The following ESR1 variants were observed in gnomAD, a reference collection of about 807,000 sequenced individuals.
ESR1 encodes the protein estrogen receptor.
Under a neutral mutation model 52.7 loss-of-function variants are expected in ESR1, and 12 were observed. The ratio of observed to expected loss-of-function variants is 0.23; its 90% confidence interval spans 0.15 to 0.37. ESR1 has a LOEUF of 0.37. Ranked by LOEUF, ESR1 falls within the 10% of genes least tolerant of loss-of-function variation. ESR1 has a pLI of 1.00. For synonymous variants in ESR1, 305 were observed against 316.8 expected (o/e 0.96, Z 0.39); for missense variants, 584 against 779.7 (o/e 0.75, Z 2.99).
chr6:152,111,593 A>C (rs1363983311), intron 6 of ESR1, among the ~76,000 whole-genome samples: 1 of 152,158 alleles, frequency 6.6e-6, no homozygotes, highest in Admixed American at 6.5e-5. Context: ...TTCACCCCGG[A>C]CTCAATGGAG....
At chr6:151,806,872 G>T (rs963743809), upstream of ESR1, among the ~76,000 whole-genome samples, 1 of 152,064 alleles carries the variant, frequency 6.6e-6, no homozygotes, top group Non-Finnish European at 1.5e-5. Flanking sequence ...CCTGTGGAAG[G>T]CATGAACACC....
intron 2 of ESR1, among the ~76,000 whole-genome samples, chr6:151,858,642 C>A (rs971921059): frequency 6.8e-6 from 1 of 148,146 alleles, no homozygotes; most frequent in Non-Finnish European, 1.5e-5. Flanking sequence ...TCCATTGCTT[C>A]ATTTTTTTTT....
At chr6:152,106,059 C>T (rs1288423184), downstream of ESR1, among the ~76,000 whole-genome samples, 1 of 151,950 alleles carries the variant, frequency 6.6e-6, no homozygotes, top group East Asian at 1.9e-4. Flanking sequence ...TCCCAAAGTG[C>T]TGGGATTACA....
At chr6:151,695,329 T>C (rs1779255503) in intron 1 of ESR1, among the ~76,000 whole-genome samples, 1 of 152,180 alleles carries the variant, frequency 6.6e-6, no homozygotes, top group South Asian at 2.1e-4. Flanking sequence ...AGTTCTCCTT[T>C]CTTGCTGCCT....
chr6:151,991,354 C>T (rs2040993913), intron 4 of ESR1, among the ~76,000 whole-genome samples: 1 of 151,860 alleles, frequency 6.6e-6, no homozygotes, highest in Non-Finnish European at 1.5e-5. Flanking sequence ...TTCTTAGACA[C>T]TGGTAGTTGG....
At chr6:151,901,420 C>T (rs1796673612) in intron 3 of ESR1, among the ~76,000 whole-genome samples, 1 of 152,176 alleles carries the variant, frequency 6.6e-6, no homozygotes, top group Non-Finnish European at 1.5e-5. Flanking sequence ...TGAATCTGTA[C>T]ACCAAATTCA....
At chr6:151,769,813 A>G (rs1785362150) in intron 2 of ESR1, among the ~76,000 whole-genome samples, 1 of 152,156 alleles carries the variant, frequency 6.6e-6, no homozygotes, top group Non-Finnish European at 1.5e-5. Flanking sequence ...TTTTTGAACA[A>G]CAGGAAAGGA....
At chr6:151,939,080 A>G (rs1382176577) in intron 3 of ESR1, among the ~76,000 whole-genome samples, 2 of 152,200 alleles carry the variant, frequency 1.3e-5, no homozygotes, top group East Asian at 1.9e-4. Flanking sequence ...CGACATCTCT[A>G]TTGTGCTGTT....
chr6:151,780,131 GT>G (rs1786407709), intron 2 of ESR1, among the ~76,000 whole-genome samples: 2 of 151,956 alleles, frequency 1.3e-5, no homozygotes. Flanking sequence ...AGTTTCACAA[GT>G]GGGTGAGTTC....
At chr6:151,822,699 G>T (rs1780764040) in intron 1 of ESR1, among the ~76,000 whole-genome samples, 1 of 152,184 alleles carries the variant, frequency 6.6e-6, no homozygotes, top group African/African-American at 2.4e-5. Flanking sequence ...GTGCCAGGGA[G>T]TTCTTAAAGG....
At chr6:151,786,701 G>C (rs1231644851) in intron 2 of ESR1, among the ~76,000 whole-genome samples, 1 of 148,118 alleles carries the variant, frequency 6.8e-6, no homozygotes, top group African/African-American at 2.5e-5. Context: ...GGTAGGCATT[G>C]AATGTGTCCT....
intron 2 of ESR1, among the ~76,000 whole-genome samples, chr6:151,778,908 C>T (rs1383678571): frequency 6.6e-6 from 1 of 151,994 alleles, no homozygotes; most frequent in Admixed American, 6.6e-5. Context: ...GCATAGCATA[C>T]AGAGCAGCAA....
chr6:151,926,942 G>T (rs1279887861), intron 3 of ESR1, among the ~76,000 whole-genome samples: 1 of 152,124 alleles, frequency 6.6e-6, no homozygotes, highest in Admixed American at 6.5e-5. Context: ...TCAGGGGAAA[G>T]TGGTTAGTTT....
intron 6 of ESR1, among the ~76,000 whole-genome samples, chr6:152,073,706 G>A (rs2048517266): frequency 6.6e-6 from 1 of 152,120 alleles, no homozygotes; most frequent in Non-Finnish European, 1.5e-5. Flanking sequence ...TGTAGCTTTT[G>A]AGCACTGGGC....
At chr6:152,009,280 T>C (rs983118520) in intron 4 of ESR1, among the ~76,000 whole-genome samples, 1 of 152,112 alleles carries the variant, frequency 6.6e-6, no homozygotes, top group Non-Finnish European at 1.5e-5. Flanking sequence ...GGCTACACTG[T>C]CATGAGCCTT....
intron 2 of ESR1, among the ~76,000 whole-genome samples, chr6:151,769,769 C>T (rs1035181763): frequency 6.6e-6 from 1 of 152,004 alleles, no homozygotes; most frequent in Non-Finnish European, 1.5e-5. Context: ...TCCCATCAAT[C>T]GATAAGCTTC....
At chr6:151,952,076 A>T (rs1343825385) in intron 4 of ESR1, among the ~76,000 whole-genome samples, 1 of 152,218 alleles carries the variant, frequency 6.6e-6, no homozygotes. Context: ...ACTTGATTGC[A>T]TCTGCAAAGA....
At chr6:151,853,819 A>C (rs1787327463) in intron 2 of ESR1, among the ~76,000 whole-genome samples, 1 of 152,182 alleles carries the variant, frequency 6.6e-6, no homozygotes, top group South Asian at 2.1e-4. Context: ...CATGCCATTG[A>C]CTATTTCCAT....
intron 4 of ESR1, among the ~76,000 whole-genome samples, chr6:151,963,202 C>T (rs141243636): frequency 1.2e-4 from 19 of 152,124 alleles, no homozygotes; most frequent in African/African-American, 4.6e-4. Context: ...TAATTGGAGC[C>T]CTGTGTGTTC....
Sources: allele counts gnomAD v4.1 joint callset (sites outside exome capture counted in the v4.1 genomes callset), GRCh38; gene constraint gnomAD v4.1.1; transcripts MANE v1.5; gene names NCBI Gene and HGNC (gene_info 2026-07-23, HGNC 2026-07-21).